GRM8: variants seen among roughly 807,000 people sequenced by gnomAD.
The protein encoded by GRM8 is glutamate metabotropic receptor 8, also known as metabotropic glutamate receptor 8.
A neutral mutation model predicts 87.2 loss-of-function variants in GRM8; 47 were observed. The observed-to-expected ratio is 0.54, with a 90% confidence interval of 0.43 to 0.69. GRM8 has a LOEUF of 0.69. Ranked by LOEUF, GRM8 falls within the 30% of genes least tolerant of loss-of-function variation. The pLI, the probability that GRM8 is intolerant of heterozygous loss-of-function variation, is 0.00. For missense variants in GRM8, 1,019 were observed against 1,139.2 expected (o/e 0.89, Z 1.52); for synonymous variants, 396 against 404.5 (o/e 0.98, Z 0.25).
intron 3 of GRM8, among the ~76,000 whole-genome samples, chr7:126,907,155 A>G (rs1802774750): frequency 6.6e-6 from 1 of 151,262 alleles, no homozygotes; most frequent in African/African-American, 2.4e-5. Context: ...AGAAGGAGGA[A>G]GAGGAGAAAG....
intron 3 of GRM8, among the ~76,000 whole-genome samples, chr7:127,018,934 C>T (rs1019662705): frequency 2.0e-5 from 3 of 151,926 alleles, no homozygotes; most frequent in East Asian, 1.9e-4. Context: ...CACTTTGTTA[C>T]GTGAGAAAAG....
At chr7:126,570,161 T>C (rs908237136) in intron 8 of GRM8, among the ~76,000 whole-genome samples, 1 of 152,188 alleles carries the variant, frequency 6.6e-6, no homozygotes, top group Non-Finnish European at 1.5e-5. Context: ...CCCTAGCTAC[T>C]TCCTTCTCAT....
chr7:127,232,183 T>TTGTGTGTGTGTGTGTGTG lies in GRM8; in HGVS notation c.510+10494_510+10511dup, dbSNP rs71529431. Among the ~76,000 whole-genome samples, 773 of 129,694 alleles carry TTGTGTGTGTGTGTGTGTG rather than the reference T, an allele frequency of 6.0e-3. 1 individual carries two copies. Among genetic ancestry groups the TTGTGTGTGTGTGTGTGTG allele is most frequent in the South Asian group, 9.8e-3 (39 of 3,978 alleles). 85.1% of individuals were successfully genotyped at this position (129,694 alleles called of 152,430 possible). On this transcript the variant is annotated intron_variant, in intron 2 of 10. Coordinates refer to ENST00000339582, the MANE Select transcript of GRM8 (RefSeq NM_000845.3). ...ACCTGCCATCAGTTCTGTTTCTTCT[T>TTGTGTGTGTGTGTGTGTG]TGTGTGTGTGTGTGTGTGTGTGTGT...
chr7:126,984,763 T>A (rs1811880430), intron 3 of GRM8, among the ~76,000 whole-genome samples: 1 of 152,204 alleles, frequency 6.6e-6, no homozygotes, highest in Non-Finnish European at 1.5e-5. Flanking sequence ...TATGACTCCC[T>A]ATTATCTATG....
At chr7:126,727,070 G>A (rs1008196117) in intron 7 of GRM8, among the ~76,000 whole-genome samples, 17 of 151,686 alleles carry the variant, frequency 1.1e-4, no homozygotes, top group African/African-American at 2.7e-4. Context: ...ACATACTTAC[G>A]TGTATTTAAT....
At chr7:127,109,702 G>T (rs1261908843) in intron 2 of GRM8, among the ~76,000 whole-genome samples, 2 of 152,154 alleles carry the variant, frequency 1.3e-5, no homozygotes, top group African/African-American at 2.4e-5. Context: ...ACCAAGCAGG[G>T]TCTCTGTTTC....
At chr7:126,833,422 T>C (rs555852963) in intron 6 of GRM8, among the ~76,000 whole-genome samples, 2 of 152,330 alleles carry the variant, frequency 1.3e-5, no homozygotes, top group Admixed American at 6.5e-5. Context: ...TCTTAGTTTG[T>C]TCAGTCTGCT....
chr7:126,496,880 T>C (rs1338775403), intron 9 of GRM8, among the ~76,000 whole-genome samples: 2 of 151,754 alleles, frequency 1.3e-5, no homozygotes, highest in Non-Finnish European at 2.9e-5. Context: ...CCCCCACAGG[T>C]GAAATTTAAA....
At chr7:126,782,158 G>A (rs937911756) in intron 6 of GRM8, among the ~76,000 whole-genome samples, 9 of 152,162 alleles carry the variant, frequency 5.9e-5, no homozygotes, top group African/African-American at 2.2e-4. Flanking sequence ...TGTTTCTTGA[G>A]TCTTTATTTC....
chr7:127,178,387 C>T (rs1587207427), intron 2 of GRM8, among the ~76,000 whole-genome samples: 1 of 152,096 alleles, frequency 6.6e-6, no homozygotes, highest in African/African-American at 2.4e-5. Flanking sequence ...AATTGGTGTT[C>T]CTGAGGAAGA....
At chr7:126,468,681 A>G (rs1249714720) in intron 9 of GRM8, among the ~76,000 whole-genome samples, 1 of 152,144 alleles carries the variant, frequency 6.6e-6, no homozygotes, top group East Asian at 1.9e-4. Flanking sequence ...TGTCCAAAAA[A>G]GAAAGTTCCA....
At chr7:127,083,482 A>C (rs946767162) in intron 3 of GRM8, among the ~76,000 whole-genome samples, 13 of 152,144 alleles carry the variant, frequency 8.5e-5, no homozygotes, top group African/African-American at 2.4e-4. Flanking sequence ...CTCTCCATTC[A>C]TCTTTCAGCC....
intron 3 of GRM8, among the ~76,000 whole-genome samples, chr7:127,040,609 A>C (rs1432361618): frequency 6.6e-6 from 1 of 152,046 alleles, no homozygotes; most frequent in Admixed American, 6.5e-5. Flanking sequence ...CTTGTGAAAA[A>C]AAAAAAAAAG....
At chr7:126,954,117 T>C (rs1808445208) in intron 3 of GRM8, among the ~76,000 whole-genome samples, 1 of 152,166 alleles carries the variant, frequency 6.6e-6, no homozygotes, top group South Asian at 2.1e-4. Context: ...TCTCTTCATG[T>C]TGTTATTGGT....
At chr7:126,607,666 A>G (rs1360866093) in intron 8 of GRM8, among the ~76,000 whole-genome samples, 1 of 152,186 alleles carries the variant, frequency 6.6e-6, no homozygotes. Context: ...TTTTAAAAAC[A>G]TCCTACTGTC....
chr7:126,791,293 C>T (rs6962330), intron 6 of GRM8, among the ~76,000 whole-genome samples: 2,904 of 152,304 alleles, frequency 0.019, 97 homozygotes, highest in African/African-American at 0.066. Context: ...TTGCTACTAG[C>T]ATTCTTTGCC....
chr7:127,158,580 T>C (rs1792883668), intron 2 of GRM8, among the ~76,000 whole-genome samples: 1 of 152,232 alleles, frequency 6.6e-6, no homozygotes, highest in Non-Finnish European at 1.5e-5. Flanking sequence ...GAGGGCTTGA[T>C]TGTGCTTCAA....
At chr7:126,996,236 T>C (rs1197928017) in intron 3 of GRM8, among the ~76,000 whole-genome samples, 1 of 151,954 alleles carries the variant, frequency 6.6e-6, no homozygotes, top group Non-Finnish European at 1.5e-5. Context: ...AGAAGGACAA[T>C]AAGCAATAAG....
rs535558907 is a variant in GRM8, at chr7:126,446,148, G to A, written c.2655C>T (p.Leu885=). The change falls in exon 10 of 11, where the codon CTC becomes CTT. Residue 885 remains leucine (L), a synonymous_variant. Transcript: ENST00000339582. Reference sequence around the variant, plus strand: ...TACTGTTGGTTTCAAGACTCTCACAGAGTTCACTTTTCACCTCGCCATTTG... The same window carrying A: ...TACTGTTGGTTTCAAGACTCTCACAAAGTTCACTTTTCACCTCGCCATTTG... ...DRPNGEVKSE[L]CESLETNTSS... 4 of 1,612,818 alleles carry A rather than the reference G, an allele frequency of 2.5e-6. No homozygotes were observed. In the African/African-American group the frequency reaches 5.3e-5, roughly 22 times the overall value.
Sources: gnomAD v4.1 joint callset for allele counts (sites outside exome capture counted in the v4.1 genomes callset) on GRCh38, gnomAD v4.1.1 for gene constraint, MANE v1.5 for transcripts, NCBI Gene and HGNC (gene_info 2026-07-23, HGNC 2026-07-21) for gene names.